The following OPCML variants were observed in gnomAD, a reference collection of about 807,000 sequenced individuals.
OPCML encodes opioid-binding protein/cell adhesion molecule.
OPCML carries 13 observed loss-of-function variants against 37.8 expected under a neutral mutation model. That is an observed-to-expected ratio of 0.34 (90% confidence interval 0.22 to 0.55). The LOEUF (loss-of-function observed/expected upper bound fraction) is 0.55. Ranked by LOEUF, OPCML falls within the 20% of genes least tolerant of loss-of-function variation. The pLI, the probability that OPCML is intolerant of heterozygous loss-of-function variation, is 0.91. For missense variants in OPCML, 341 were observed against 435.6 expected (o/e 0.78, Z 1.93); for synonymous variants, 176 against 168.8 (o/e 1.04, Z -0.33).
chr11:133,459,397 G>A (rs1322109881), intron 1 of OPCML, among the ~76,000 whole-genome samples: 2 of 151,932 alleles, frequency 1.3e-5, no homozygotes, highest in Admixed American at 6.6e-5. Context: ...TTATGTAAGT[G>A]GCTTAAACTC....
chr11:132,541,558 C>G (rs1330974023), intron 3 of OPCML, among the ~76,000 whole-genome samples: 1 of 148,464 alleles, frequency 6.7e-6, no homozygotes, highest in Non-Finnish European at 1.5e-5. Flanking sequence ...TTATTGAGAA[C>G]TTAATAAGTG....
chr11:133,373,446 T>TATATATATATATATATAC (rs1482064315), intron 1 of OPCML, among the ~76,000 whole-genome samples: 17 of 133,308 alleles, frequency 1.3e-4, no homozygotes, highest in South Asian at 2.2e-4. Flanking sequence ...TATATATATA[T>TATATATATATATATATAC]ATACACACAC....
Position 133,093,768 on chromosome 11 carries a change from C to G in OPCML, c.62-150758G>C, listed in dbSNP as rs1431250904. On this transcript the variant is annotated intron_variant, in intron 1 of 7. Transcript: ENST00000524381. ...GGTTCTTCATGCTAAGGTTAGCAAT[C>G]TGTACTTATTTTTTTTTTTAAACAA... Among the ~76,000 whole-genome samples, 6 of 134,344 alleles carry G rather than the reference C, an allele frequency of 4.5e-5. No homozygotes were observed. The Admixed American group carries it at 5.1e-4, about 11-fold the overall frequency. The allele number at this position is 134,344 out of a possible 152,430, so 88.1% of individuals were successfully genotyped here.
intron 1 of OPCML, among the ~76,000 whole-genome samples, chr11:133,036,546 G>A (rs1947787332): frequency 6.6e-6 from 1 of 152,186 alleles, no homozygotes; most frequent in African/African-American, 2.4e-5. Context: ...ACCATGCCAA[G>A]CACACTAATG....
chr11:132,556,919 T>A (rs1273170355), intron 3 of OPCML, among the ~76,000 whole-genome samples: 2 of 152,170 alleles, frequency 1.3e-5, no homozygotes, highest in African/African-American at 4.8e-5. Context: ...GAACCTGGAA[T>A]TTTATCATTT....
chr11:132,688,185 T>C (rs1345281230), intron 2 of OPCML, among the ~76,000 whole-genome samples: 1 of 152,108 alleles, frequency 6.6e-6, no homozygotes, highest in Non-Finnish European at 1.5e-5. Flanking sequence ...TTTTTTATGA[T>C]TCTTGCCGAA....
chr11:132,783,312 G>A (rs958717633), intron 2 of OPCML, among the ~76,000 whole-genome samples: 3 of 152,020 alleles, frequency 2.0e-5, no homozygotes, highest in Non-Finnish European at 1.5e-5. Flanking sequence ...TCCATGTGAC[G>A]TGCCCTTTAC....
intron 1 of OPCML, among the ~76,000 whole-genome samples, chr11:132,999,569 C>CGGGGG (rs1565390172): frequency 4.2e-5 from 6 of 141,358 alleles, no homozygotes; most frequent in African/African-American, 1.7e-4. Flanking sequence ...CAAATGGGGT[C>CGGGGG]GGGGGGGGAA....
At chr11:132,637,339 G>C (rs1434589472) in intron 3 of OPCML, among the ~76,000 whole-genome samples, 2 of 151,932 alleles carry the variant, frequency 1.3e-5, no homozygotes, top group African/African-American at 4.8e-5. Flanking sequence ...TTTAAGCCTG[G>C]TTCTCCCAAA....
intron 4 of OPCML, among the ~76,000 whole-genome samples, chr11:132,454,341 G>A (rs1430275344): frequency 6.6e-6 from 1 of 152,204 alleles, no homozygotes; most frequent in Non-Finnish European, 1.5e-5. Context: ...CCATTCCTGG[G>A]AGATAACTAA....
intron 1 of OPCML, among the ~76,000 whole-genome samples, chr11:133,450,014 A>G (rs937132867): frequency 2.0e-5 from 3 of 151,658 alleles, no homozygotes; most frequent in Admixed American, 2.0e-4. Context: ...TTTGATGAAA[A>G]ATAGGCACAG....
At chr11:132,916,951 T>C (rs1164554922) in intron 2 of OPCML, among the ~76,000 whole-genome samples, 3 of 152,146 alleles carry the variant, frequency 2.0e-5, no homozygotes, top group Non-Finnish European at 2.9e-5. Context: ...TATTTTATTG[T>C]AAGATATGAA....
At chr11:133,042,563 C>A (rs903200307) in intron 1 of OPCML, among the ~76,000 whole-genome samples, 2 of 152,150 alleles carry the variant, frequency 1.3e-5, no homozygotes, top group African/African-American at 4.8e-5. Flanking sequence ...TGGGGGGACT[C>A]TAATCCCAAA....
chr11:133,199,469 A>G (rs1331179409), intron 1 of OPCML, among the ~76,000 whole-genome samples: 3 of 152,178 alleles, frequency 2.0e-5, no homozygotes, highest in African/African-American at 7.2e-5. Flanking sequence ...CTAGTGATGG[A>G]AATCCAGTGA....
intron 3 of OPCML, among the ~76,000 whole-genome samples, chr11:132,592,308 G>A (rs2096485736): frequency 6.6e-6 from 1 of 152,196 alleles, no homozygotes; most frequent in Non-Finnish European, 1.5e-5. Flanking sequence ...CTGTACCTTG[G>A]AGCCTGAGGG....
chr11:133,061,596 A>G (rs1400116108), intron 1 of OPCML, among the ~76,000 whole-genome samples: 1 of 152,228 alleles, frequency 6.6e-6, no homozygotes, highest in Non-Finnish European at 1.5e-5. Context: ...GCTCTCATGT[A>G]TATTTCACCA....
intron 1 of OPCML, among the ~76,000 whole-genome samples, chr11:133,115,311 G>A (rs1949315101): frequency 6.6e-6 from 1 of 152,214 alleles, no homozygotes; most frequent in Non-Finnish European, 1.5e-5. Context: ...AGGACCTACA[G>A]GGTGTTTGCT....
rs912068766 is a variant in OPCML, at chr11:133,008,499, T to G, written c.62-65489A>C. 6 of 886,306 alleles carry G rather than the reference T, an allele frequency of 6.8e-6. No homozygotes were observed. The African/African-American group carries it at 1.1e-4, about 16-fold the overall frequency. 54.9% of individuals were successfully genotyped at this position (886,306 alleles called of 1,614,324 possible). On this transcript the variant is annotated intron_variant, in intron 1 of 7. Transcript: ENST00000524381. ...CCTTTGGGAGAGAAGAACGTATTTCTCCAGGTGCCAGGAATATTCGCTGTG... is the reference window on the plus strand; with the variant it reads ...CCTTTGGGAGAGAAGAACGTATTTCGCCAGGTGCCAGGAATATTCGCTGTG...
At chr11:132,993,991 T>C (rs1189898935) in intron 1 of OPCML, among the ~76,000 whole-genome samples, 2 of 152,190 alleles carry the variant, frequency 1.3e-5, no homozygotes, top group Non-Finnish European at 2.9e-5. Flanking sequence ...TCCCCGCATC[T>C]CTCCACCTCC....
Sources: gnomAD v4.1 joint callset for allele counts (sites outside exome capture counted in the v4.1 genomes callset) on GRCh38, gnomAD v4.1.1 for gene constraint, MANE v1.5 for transcripts, NCBI Gene and HGNC (gene_info 2026-07-23, HGNC 2026-07-21) for gene names.